CCDC180: variants seen among roughly 807,000 people sequenced by gnomAD.
CCDC180 encodes the protein coiled-coil domain containing 180, also known as coiled-coil domain-containing protein 180.
CCDC180 carries 154 observed loss-of-function variants against 209.2 expected under a neutral mutation model. That is an observed-to-expected ratio of 0.74 (90% CI 0.65 to 0.84). CCDC180 has a LOEUF of 0.84. Ranked by LOEUF, CCDC180 falls within the 40% of genes least tolerant of loss-of-function variation. The pLI, the probability that CCDC180 is intolerant of heterozygous loss-of-function variation, is 0.00. For synonymous variants in CCDC180, 778 were observed against 749.1 expected (o/e 1.04, Z -0.63); for missense variants, 1,874 against 1,997.3 (o/e 0.94, Z 1.18).
intron 31 of CCDC180, among the ~76,000 whole-genome samples, chr9:97,367,825 C>T (rs1344982021): frequency 6.6e-6 from 1 of 152,214 alleles, no homozygotes; most frequent in African/African-American, 2.4e-5. Context: ...ACACCCACCG[C>T]AGAAGGCCTT....
intron 15 of CCDC180, among the ~76,000 whole-genome samples, chr9:97,327,431 A>G (rs964104012): frequency 6.6e-5 from 10 of 152,184 alleles, no homozygotes; most frequent in Non-Finnish European, 1.5e-4. Flanking sequence ...TAGATACTTC[A>G]TAATGGTTTA....
intron 26 of CCDC180, among the ~76,000 whole-genome samples, chr9:97,360,602 A>G (rs537284420): frequency 1.2e-4 from 18 of 152,202 alleles, no homozygotes; most frequent in African/African-American, 4.1e-4. Context: ...GCAAAGTCCA[A>G]ACGCTTTCAC....
In CCDC180 at chr9:97,370,046, G is replaced by A; in HGVS notation, c.4314G>A (p.Gln1438=). Residue 1438 remains glutamine, a synonymous_variant, in exon 32 of 37, where the codon CAG becomes CAA. Transcript: ENST00000529487. ...FFTSVKEIRG[Q]FEEQQKRLEK... is the part of the protein sequence containing the mutation. ...CCTCTGTGAAGGAGATCCGAGGACA[G>A]TTCGAGGAACAGCAGAAGCGGCTGG... 6.2e-7 allele frequency: 1 copy of A among 1,614,158 alleles called. No homozygotes were observed. The highest frequency in any genetic ancestry group is 8.5e-7 in the Non-Finnish European group (1 of 1,180,018).
intron 18 of CCDC180, among the ~76,000 whole-genome samples, chr9:97,339,829 C>T (rs371637986): frequency 5.9e-5 from 9 of 152,100 alleles, no homozygotes; most frequent in African/African-American, 1.7e-4. Context: ...TCACATAGAC[C>T]CATATTTCTT....
intron 28 of CCDC180, among the ~76,000 whole-genome samples, chr9:97,363,118 G>T (rs1826814226): frequency 6.6e-6 from 1 of 152,248 alleles, no homozygotes; most frequent in Non-Finnish European, 1.5e-5. Context: ...CTGTGCGCTG[G>T]TTGGGGGCTG....
At chr9:97,340,021 G>T (rs920771635) in intron 18 of CCDC180, among the ~76,000 whole-genome samples, 3 of 152,160 alleles carry the variant, frequency 2.0e-5, no homozygotes, top group African/African-American at 7.2e-5. Flanking sequence ...GGTCATTTAA[G>T]ATCTTCTCTA....
At chr9:97,317,289 G>A (rs766087303) in intron 9 of CCDC180, 61 bp downstream of exon 9, 1 of 1,395,044 alleles carries the variant, frequency 7.2e-7, no homozygotes, top group Non-Finnish European at 9.4e-7. Flanking sequence ...AAGGGTAGGG[G>A]CGGCATTCTC....
chr9:97,351,386 T>C (rs1826416057), intron 22 of CCDC180, among the ~76,000 whole-genome samples: 1 of 152,182 alleles, frequency 6.6e-6, no homozygotes, highest in Admixed American at 6.5e-5. Context: ...ATGTTGTGGT[T>C]TTGATTTGCA....
rs1833094815 is a variant in CCDC180 at position 97,314,522 on chromosome 9, G to C, written c.588+1G>C. Reference sequence around the variant, plus strand: ...CAACCTTGAGGACTACACCATCCAAGTAGGGGTCCCTTCGTGGCTGGGCCT... The same window carrying C: ...CAACCTTGAGGACTACACCATCCAACTAGGGGTCCCTTCGTGGCTGGGCCT... On this transcript the variant is annotated splice_donor_variant, in intron 6 of 36. Coordinates refer to ENST00000529487, the MANE Select transcript of CCDC180 (RefSeq NM_020893.6). LOFTEE classifies it high-confidence loss of function. The C allele has an allele frequency of 6.2e-7, 1 of 1,613,998 alleles. No homozygotes were observed. Among genetic ancestry groups the C allele is most frequent in the South Asian group, 1.1e-5 (1 of 91,078 alleles).
rs562586137 is a variant in CCDC180, at chr9:97,310,446, T to A, written c.260+842T>A. 7.9e-5 allele frequency among the ~76,000 whole-genome samples: 12 copies of A among 152,332 alleles called. No homozygotes were observed. In the South Asian group the frequency reaches 2.5e-3, roughly 32 times the overall value. ...GTCAGGCATGGAGATCAGGAGTTTCTTGTGAACTTCCAAATTCAGAAGTTC... is the reference window on the plus strand; with the variant it reads ...GTCAGGCATGGAGATCAGGAGTTTCATGTGAACTTCCAAATTCAGAAGTTC... On this transcript the variant is annotated intron_variant, in intron 3 of 36. Coordinates refer to ENST00000529487, the MANE Select transcript of CCDC180 (RefSeq NM_020893.6).
chr9:97,369,414 TTTATTTTATGTTATGTTATGTTATG>T lies in CCDC180; in HGVS notation c.4190-503_4190-479del, dbSNP rs1266695841. ...GAAGCCCTTTGAATTTATTTAAGCC[TTTATTTTATGTTATGTTATGTTATG>T]TTATGTTATGTTATGTTATGTTATG... On this transcript the variant is annotated intron_variant, in intron 31 of 36. Coordinates refer to ENST00000529487, the MANE Select transcript of CCDC180 (RefSeq NM_020893.6). The T allele has an allele frequency of 1.9e-3, 250 of 134,940 alleles. 5 individuals carry two copies. In the South Asian group the frequency reaches 0.042, roughly 23 times the overall value. 8.4% of individuals were successfully genotyped at this position (134,940 alleles called of 1,614,324 possible). A position where few individuals can be genotyped will look rare whatever the true frequency, so the allele number is the denominator to read the frequency against.
At chr9:97,312,483 A>G (rs1833021728) in intron 4 of CCDC180, among the ~76,000 whole-genome samples, 1 of 152,224 alleles carries the variant, frequency 6.6e-6, no homozygotes, top group Non-Finnish European at 1.5e-5. Context: ...GGTTCCCAAC[A>G]GTATTTCTCA....
rs199789972 is a variant in CCDC180 at position 97,360,028 on chromosome 9, A to G, written c.3410A>G (p.Glu1137Gly). ...CTCAGCTTCGTCCAAACTTGGAAGG[A>G]AAAACTGAGCCAGAGGATTCAGTAC... ...ELLSFVQTWK[E>G]KLSQRIQYLN... Residue 1137 changes from glutamate to glycine, a missense_variant, in exon 26 of 37, where the codon GAA (glutamate) becomes GGA (glycine). Transcript: ENST00000529487. 10 of 1,613,988 alleles carry G rather than the reference A, an allele frequency of 6.2e-6. No individual in the cohort carries two copies. The highest frequency in any genetic ancestry group is 8.5e-6 in the Non-Finnish European group (10 of 1,179,904).
In CCDC180 at chr9:97,366,803, G is replaced by A. The variant is rs1826937353; in HGVS notation, c.4189+103G>A. 8.0e-7 allele frequency: 1 copy of A among 1,249,746 alleles called. No homozygotes were observed. The highest frequency in any genetic ancestry group is 1.1e-6 in the Non-Finnish European group (1 of 923,512). 77.4% of individuals were successfully genotyped at this position (1,249,746 alleles called of 1,614,324 possible). A position where few individuals can be genotyped will look rare whatever the true frequency, so the allele number is the denominator to read the frequency against. ...GGCCTGGATCCTCCCCTCTGGGGGA[G>A]GCAGAAGAGCTTCCCTGTGAAAAGC... is the stretch of plus-strand genomic sequence containing the variant. On this transcript the variant is annotated intron_variant, in intron 31 of 36. Transcript: ENST00000529487. This position sits in a 1 kb window ranked among gnomAD's most constrained non-coding sequence, Gnocchi z 4.3.
At position 97,361,953 on chromosome 9, in the gene CCDC180, A is replaced by C. The variant is rs1006562938; in HGVS notation, c.3656+55A>C. The C allele has an allele frequency of 5.1e-6, 8 of 1,575,032 alleles. No individual in the cohort carries two copies. In the African/African-American group the frequency reaches 5.4e-5, roughly 11 times the overall value. On this transcript the variant is annotated intron_variant, in intron 27 of 36. Coordinates refer to ENST00000529487, the MANE Select transcript of CCDC180 (RefSeq NM_020893.6). Reference sequence around the variant, plus strand: ...CTGCCACCCCTGCCCCTGGCCCTGGACCTTCAGGGACCAGCTTTGGGGCCC... The same window carrying C: ...CTGCCACCCCTGCCCCTGGCCCTGGCCCTTCAGGGACCAGCTTTGGGGCCC...
chr9:97,373,637 A>C (rs1231195292), intron 34 of CCDC180: 1 of 152,244 alleles, frequency 6.6e-6, no homozygotes, highest in African/African-American at 2.4e-5. Flanking sequence ...ATTGTAACTT[A>C]CTAATTAGTC....
At position 97,343,531 on chromosome 9, in the gene CCDC180, T is replaced by C. The variant is rs200106964; in HGVS notation, c.2466T>C (p.Ile822=). 9.4e-4 allele frequency: 1,520 copies of C among 1,613,680 alleles called. 26 individuals are homozygous for C. In the South Asian group the frequency reaches 0.016, roughly 17 times the overall value. ...CCAAGTTCATAGAACAAGTGACAAT[T>C]CCATCGAGACTAATTTTAGAAATTA... is the stretch of plus-strand genomic sequence containing the variant. ...SSAKFIEQVT[I]PSRLILEIKK... is the part of the protein sequence containing the mutation. Residue 822 remains isoleucine, a synonymous_variant, in exon 19 of 37, where the codon ATT becomes ATC. Coordinates refer to ENST00000529487, the MANE Select transcript of CCDC180 (RefSeq NM_020893.6).
At chr9:97,371,499 C>G in intron 33 of CCDC180, 96 bp from the exon 34 acceptor site, 2 of 681,416 alleles carry the variant, frequency 2.9e-6, no homozygotes, top group South Asian at 2.3e-5. Flanking sequence ...GCTTGGGTCC[C>G]CAGATCTCCC....
rs1447329729 is a variant in CCDC180, at chr9:97,314,944, A to G, written c.793A>G (p.Met265Val). 5 of 1,613,314 alleles carry G rather than the reference A, an allele frequency of 3.1e-6. No individual in the cohort carries two copies. The highest frequency in any genetic ancestry group is 3.4e-6 in the Non-Finnish European group (4 of 1,179,418). ...EVYRLINEEA[M>V]VMNYALLGNR... ...GTACAGGCTGATAAATGAAGAAGCC[A>G]TGGTGAGTGGTTTTCCTGTGCAGGG... Residue 265 changes from methionine (M) to valine (V), a missense_variant and splice_region_variant, in exon 8 of 37, where the codon ATG becomes GTG. Transcript: ENST00000529487.
Sources: allele counts gnomAD v4.1 joint callset (sites outside exome capture counted in the v4.1 genomes callset), GRCh38; gene constraint gnomAD v4.1.1; non-coding constraint Gnocchi (gnomAD v3.1); transcripts MANE v1.5; gene names NCBI Gene and HGNC (gene_info 2026-07-23, HGNC 2026-07-21).